Variants in CEP57 observed in about 807,000 individuals in gnomAD.
CEP57 encodes the protein centrosomal protein of 57 kDa.
A neutral mutation model predicts 68.0 loss-of-function variants in CEP57; 40 were observed. That is an observed-to-expected ratio of 0.59 (90% CI 0.46 to 0.77). The LOEUF is 0.77. Ranked by LOEUF, CEP57 falls within the 30% of genes least tolerant of loss-of-function variation. The pLI is 0.00. For synonymous variants in CEP57, 219 were observed against 198.7 expected (o/e 1.10, Z -0.86); for missense variants, 606 against 580.7 (o/e 1.04, Z -0.45).
At chr11:95,818,433 G>A (rs1474814157) in intron 5 of CEP57, among the ~76,000 whole-genome samples, 3 of 151,520 alleles carry the variant, frequency 2.0e-5, no homozygotes, top group African/African-American at 7.2e-5. Flanking sequence ...AAAATTAAAT[G>A]TTTTTGAGTA....
chr11:95,813,056 T>C lies in CEP57; in HGVS notation c.327T>C (p.Asp109=). 1 of 1,613,716 alleles carries C rather than the reference T, an allele frequency of 6.2e-7. No individual in the cohort carries two copies. Among genetic ancestry groups the C allele is most frequent in the East Asian group, 2.2e-5 (1 of 44,852 alleles). ...RETIEYKKVL[D]EQIQERENSK... is the part of the protein sequence containing the mutation. Reference sequence around the variant, plus strand: ...CAATTGAATATAAGAAAGTACTGGATGAACAGATACAAGAAAGGGAGAATT... The same window carrying C: ...CAATTGAATATAAGAAAGTACTGGACGAACAGATACAAGAAAGGGAGAATT... The change falls in exon 3 of 11, where the codon GAT becomes GAC. Residue 109 remains aspartate (D), a synonymous_variant. Coordinates refer to ENST00000325542, the MANE Select transcript of CEP57 (RefSeq NM_014679.5).
At chr11:95,807,005 C>T (rs190117171) in intron 2 of CEP57, among the ~76,000 whole-genome samples, 86 of 152,262 alleles carry the variant, frequency 5.6e-4, no homozygotes, top group Middle Eastern at 6.8e-3. Context: ...AGCCGGGTCC[C>T]CTTCTGAGAC....
intron 9 of CEP57, among the ~76,000 whole-genome samples, chr11:95,828,328 T>C (rs1195680786): frequency 6.6e-6 from 1 of 152,208 alleles, no homozygotes; most frequent in African/African-American, 2.4e-5. Flanking sequence ...GAGAAATACA[T>C]CATTAGGCGA....
chr11:95,820,505 C>T (rs758846128), intron 6 of CEP57, among the ~76,000 whole-genome samples: 3 of 146,798 alleles, frequency 2.0e-5, no homozygotes, highest in Non-Finnish European at 4.5e-5. Flanking sequence ...GCAGGAGAAT[C>T]GCTTGAACCT....
At chr11:95,790,250 T>A (rs894325235), upstream of CEP57, 1 of 202,882 alleles carries the variant, frequency 4.9e-6, no homozygotes, top group Non-Finnish European at 1.0e-5. Context: ...GCTTTTGTTT[T>A]ATCTCCATTA....
rs760724546 is a variant in CEP57, at chr11:95,827,777, T to G, written c.886-9T>G. ...TCAATTACTTCTTTCATCATTTTTC[T>G]TCCTTTAGTCCACAAGCCCTAGCCA... On this transcript the variant is annotated splice_polypyrimidine_tract_variant and intron_variant, in intron 8 of 10. Transcript: ENST00000325542. 6 of 1,613,840 alleles carry G rather than the reference T, an allele frequency of 3.7e-6. No individual in the cohort carries two copies. The South Asian group carries it at 6.6e-5, about 18-fold the overall frequency.
rs1277234893 is a variant in CEP57 at position 95,829,253 on chromosome 11, G to A, written c.1194G>A (p.Glu398=). ...SPTVELKDKL[E]CELEALVGRM... is the part of the protein sequence containing the mutation. ...CCGTTGAACTGAAAGACAAGTTGGAGTGTGAATTGGAGGCATTAGTGGGAA... is the reference window on the plus strand; with the variant it reads ...CCGTTGAACTGAAAGACAAGTTGGAATGTGAATTGGAGGCATTAGTGGGAA... The change falls in exon 10 of 11, where the codon GAG becomes GAA. Residue 398 remains glutamate, a synonymous_variant. Transcript: ENST00000325542. The A allele has an allele frequency of 6.2e-7, 1 of 1,613,964 alleles. No individual in the cohort carries two copies. The highest frequency in any genetic ancestry group is 8.5e-7 in the Non-Finnish European group (1 of 1,180,020).
intron 2 of CEP57, among the ~76,000 whole-genome samples, chr11:95,810,853 A>G (rs1354026529): frequency 1.3e-5 from 2 of 152,214 alleles, no homozygotes; most frequent in Non-Finnish European, 2.9e-5. Context: ...ACTACTTTAA[A>G]GTTCATACAG....
intron 3 of CEP57, 56 bp from the exon 4 acceptor site, chr11:95,813,412 G>A: frequency 6.3e-7 from 1 of 1,593,456 alleles, no homozygotes. Context: ...TTAACAGCTT[G>A]TTAAAACTAT....
chr11:95,799,975 T>C (rs1861504836), intron 2 of CEP57, among the ~76,000 whole-genome samples: 1 of 152,232 alleles, frequency 6.6e-6, no homozygotes, highest in African/African-American at 2.4e-5. Context: ...TTCCCATCCT[T>C]TGCTCTGGCT....
intron 1 of CEP57, among the ~76,000 whole-genome samples, chr11:95,792,923 A>T (rs891924747): frequency 1.6e-5 from 1 of 62,964 alleles, no homozygotes; most frequent in African/African-American, 4.3e-5. Context: ...GGCAACATTT[A>T]AAAAAAAAAA....
At chr11:95,817,665 A>G in intron 4 of CEP57, 122 bp from the exon 5 acceptor site, 1 of 728,730 alleles carries the variant, frequency 1.4e-6, no homozygotes, top group Non-Finnish European at 2.5e-6. Context: ...GTTTCATCTT[A>G]ATGTTATTTT....
At chr11:95,814,280 C>T (rs928392740) in intron 4 of CEP57, among the ~76,000 whole-genome samples, 1 of 151,876 alleles carries the variant, frequency 6.6e-6, no homozygotes. Context: ...AACTCCTGGC[C>T]TCAAGTGATC....
In CEP57 at chr11:95,821,933, C is replaced by G; in HGVS notation, c.762C>G (p.Pro254=). The G allele has an allele frequency of 6.2e-7, 1 of 1,612,436 alleles. No individual in the cohort carries two copies. The stretch of plus-strand genomic sequence containing the variant: ...AAGATAAGGCAACTCCGTGTGTTCC[C>G]AATGCAAGAAGAATTAAAAAAAAGA... ...IFEDKATPCV[P]NARRIKKKKS... Residue 254 remains proline, a synonymous_variant, in exon 7 of 11, where the codon CCC becomes CCG. Transcript: ENST00000325542.
At chr11:95,794,935 A>G (rs1206276406) in intron 1 of CEP57, among the ~76,000 whole-genome samples, 1 of 152,082 alleles carries the variant, frequency 6.6e-6, no homozygotes, top group East Asian at 1.9e-4. Flanking sequence ...AATTCATCCT[A>G]TCCCCAATGG....
chr11:95,830,875 T>C (rs1862969523), intron 10 of CEP57, 151 bp from the exon 11 acceptor site: 3 of 564,098 alleles, frequency 5.3e-6, no homozygotes, highest in Non-Finnish European at 9.4e-6. Flanking sequence ...GCAGTAGATT[T>C]TGAAGTCTTT....
At chr11:95,796,304 A>T (rs777368864) in intron 1 of CEP57, among the ~76,000 whole-genome samples, 2 of 152,216 alleles carry the variant, frequency 1.3e-5, no homozygotes, top group Admixed American at 1.3e-4. Flanking sequence ...CAGGTTAAAC[A>T]TTTTGCCTTT....
chr11:95,815,692 G>A (rs902210062), intron 4 of CEP57, among the ~76,000 whole-genome samples: 2 of 152,180 alleles, frequency 1.3e-5, no homozygotes, highest in African/African-American at 2.4e-5. Flanking sequence ...GCTTACACCT[G>A]TAATGCCAGC....
intron 1 of CEP57, among the ~76,000 whole-genome samples, chr11:95,794,956 G>A (rs1310177800): frequency 6.6e-6 from 1 of 152,136 alleles, no homozygotes; most frequent in South Asian, 2.1e-4. Flanking sequence ...TTTGCAATAT[G>A]TTCATTTCCA....
Sources: gnomAD v4.1 joint callset for allele counts (sites outside exome capture counted in the v4.1 genomes callset) on GRCh38, gnomAD v4.1.1 for gene constraint, MANE v1.5 for transcripts, NCBI Gene and HGNC (gene_info 2026-07-23, HGNC 2026-07-21) for gene names.